Variants in NLGN2 observed in about 807,000 individuals in gnomAD.
The protein encoded by NLGN2 is neuroligin-2.
NLGN2 carries 11 observed loss-of-function variants against 48.6 expected under a neutral mutation model. That is an observed-to-expected ratio of 0.23 (90% CI 0.14 to 0.37). The LOEUF is 0.37. Among genes scored for constraint, NLGN2 ranks in the 10% least tolerant of loss-of-function variants. The pLI is 1.00. For synonymous variants in NLGN2, 548 were observed against 550.0 expected (o/e 1.00, Z 0.05); for missense variants, 801 against 1,225.2 (o/e 0.65, Z 5.17).
At chr17:7,409,859 C>G (rs1464463885) in intron 1 of NLGN2, among the ~76,000 whole-genome samples, 1 of 152,162 alleles carries the variant, frequency 6.6e-6, no homozygotes, top group Non-Finnish European at 1.5e-5. Flanking sequence ...CCAGTACTTT[C>G]ATATCACACA....
At position 7,408,641 on chromosome 17, in the gene NLGN2, C is replaced by T. The variant is rs1332778579; in HGVS notation, c.386C>T (p.Ala129Val). The T allele has an allele frequency of 5.6e-6, 9 of 1,611,778 alleles. No individual in the cohort carries two copies. In the African/African-American group the frequency reaches 9.3e-5, roughly 17 times the overall value. Residue 129 changes from alanine to valine, a missense_variant, in exon 1 of 7, where the codon GCG becomes GTG. Coordinates refer to ENST00000302926, the MANE Select transcript of NLGN2 (RefSeq NM_020795.4). The surrounding 1 kb of genome is among the most constrained non-coding windows in gnomAD (Gnocchi z 7.5). The stretch of plus-strand genomic sequence containing the variant: ...GTGTGGTTCACCGACAACTTGGAGG[C>T]GGCCGCCACCTACGTGCAGAACCAG... ...LPVWFTDNLEAAATYVQNQSE... is the reference protein window; with the variant it reads ...LPVWFTDNLEVAATYVQNQSE...
Position 7,417,078 on chromosome 17 carries a change from A to G in NLGN2, c.1787A>G (p.Asn596Ser). ...KPRVRDNYRA[N>S]KVAFWLELVP... ...CGCGTGCGTGACAACTACCGCGCCA[A>G]CAAGGTGGCCTTCTGGCTGGAGCTC... is the stretch of plus-strand genomic sequence containing the variant. The change falls in exon 7 of 7, where the codon AAC becomes AGC. Residue 596 changes from asparagine (N) to serine (S), a missense_variant. Physicochemically the swap from Asn to Ser is conservative, Grantham distance 46. Around this residue, in one of 5 missense-constraint regions of NLGN2, gnomAD observed 303 missense variants for 600.1 expected, o/e 0.50. Coordinates refer to ENST00000302926, the MANE Select transcript of NLGN2 (RefSeq NM_020795.4). 2 of 1,613,914 alleles carry G rather than the reference A, an allele frequency of 1.2e-6. No individual in the cohort carries two copies. The highest frequency in any genetic ancestry group is 1.7e-6 in the Non-Finnish European group (2 of 1,180,030).
rs567010279 is a variant in NLGN2 at position 7,414,676 on chromosome 17, C to G, written c.672C>G (p.Thr224=). The change falls in exon 4 of 7, where the codon ACC becomes ACG. Residue 224 remains threonine, a synonymous_variant. Transcript: ENST00000302926. ...CTCTACTCCCAGGTTTTCTCAGCAC[C>G]GGGGACCAGGCTGCAAAAGGCAACT... ...YRLGVLGFLS[T]GDQAAKGNYG... is the part of the protein sequence containing the mutation. 1.2e-6 allele frequency: 2 copies of G among 1,614,112 alleles called. No homozygotes were observed. The highest frequency in any genetic ancestry group is 2.2e-5 in the South Asian group (2 of 91,072).
chr17:7,408,763 G>T lies in NLGN2; in HGVS notation c.457+51G>T. The T allele has an allele frequency of 6.2e-7, 1 of 1,610,328 alleles. No individual in the cohort carries two copies. The highest frequency in any genetic ancestry group is 8.5e-7 in the Non-Finnish European group (1 of 1,178,720). On this transcript the variant is annotated intron_variant, in intron 1 of 6. Coordinates refer to ENST00000302926, the MANE Select transcript of NLGN2 (RefSeq NM_020795.4). This position sits in a 1 kb window ranked among gnomAD's most constrained non-coding sequence, Gnocchi z 7.5. ...CACCCCGTGGACACAGCCCACAAAC[G>T]CACATGCAGACCCTCAGGCACTGGC...
chr17:7,406,619 C>A (rs527822378), upstream of NLGN2, among the ~76,000 whole-genome samples: 2 of 132,602 alleles, frequency 1.5e-5, no homozygotes, highest in African/African-American at 2.9e-5. Flanking sequence ...GAAAACCCCG[C>A]GTCAGCAAAC....
chr17:7,412,052 C>CCTTTTTTTTTTT, intron 1 of NLGN2, 105 bp from the exon 2 acceptor site: 5 of 501,678 alleles, frequency 1.0e-5, no homozygotes, highest in South Asian at 2.0e-5. Context: ...CCACCCTCCC[C>CCTTTTTTTTTTT]TTTTCTGCTT....
chr17:7,417,481 C>T lies in NLGN2; in HGVS notation c.2190C>T (p.Pro730=), dbSNP rs777572639. 23 of 1,520,728 alleles carry T rather than the reference C, an allele frequency of 1.5e-5. No individual in the cohort carries two copies. The highest frequency in any genetic ancestry group is 6.2e-5 in the South Asian group (5 of 80,850). The allele number at this position is 1,520,728 out of a possible 1,614,324, so 94.2% of individuals were successfully genotyped here. A position where few individuals can be genotyped will look rare whatever the true frequency, so the allele number is the denominator to read the frequency against. The part of the protein sequence containing the change: ...SGVPGGGPLL[P]AAGRELPPEE... ...TGCCTGGTGGGGGCCCCCTGCTCCC[C>T]GCCGCGGGCCGTGAGCTGCCACCAG... The change falls in exon 7 of 7, where the codon CCC becomes CCT. Residue 730 remains proline, a synonymous_variant. Transcript: ENST00000302926.
intron 5 of NLGN2, 95 bp from the exon 6 acceptor site, chr17:7,415,416 C>A: frequency 8.6e-7 from 1 of 1,165,854 alleles, no homozygotes; most frequent in Non-Finnish European, 1.3e-6. Context: ...AAGGGTCTTG[C>A]AGGTAGAGGG....
upstream of NLGN2, among the ~76,000 whole-genome samples, chr17:7,407,703 A>T (rs1388013384): frequency 6.6e-6 from 1 of 151,678 alleles, no homozygotes; most frequent in Non-Finnish European, 1.5e-5. Flanking sequence ...GGGTCTGGAG[A>T]GCTGACCCGC....
rs1906748419 is a variant in NLGN2, at chr17:7,408,469, G to A, written c.214G>A (p.Val72Met). ...ILGPVVQFLG[V>M]PYATPPLGAR... The stretch of plus-strand genomic sequence containing the variant: ...GGGCCCCGTCGTGCAGTTCTTGGGC[G>A]TGCCCTACGCCACGCCGCCCCTGGG... The change falls in exon 1 of 7, where the codon GTG becomes ATG. Residue 72 changes from valine (V) to methionine (M), a missense_variant. Around this residue, in one of 5 missense-constraint regions of NLGN2, gnomAD observed 164 missense variants for 186.2 expected, o/e 0.88. Transcript: ENST00000302926. This position sits in a 1 kb window ranked among gnomAD's most constrained non-coding sequence, Gnocchi z 7.5. 1.3e-6 allele frequency: 2 copies of A among 1,548,106 alleles called. No homozygotes were observed. Among genetic ancestry groups the A allele is most frequent in the South Asian group, 1.2e-5 (1 of 84,234 alleles).
chr17:7,411,727 C>T lies in NLGN2; in HGVS notation c.458-430C>T, dbSNP rs1240719995. Reference sequence around the variant, plus strand: ...GCCTTCTGAGAGGTGGCCTGGGTGGCAAGCTGGCCTTGGTCTCCCAGGGGC... The same window carrying T: ...GCCTTCTGAGAGGTGGCCTGGGTGGTAAGCTGGCCTTGGTCTCCCAGGGGC... On this transcript the variant is annotated intron_variant, in intron 1 of 6. Coordinates refer to ENST00000302926, the MANE Select transcript of NLGN2 (RefSeq NM_020795.4). This position sits in a 1 kb window ranked among gnomAD's most constrained non-coding sequence, Gnocchi z 4.5. Among the ~76,000 whole-genome samples the T allele has an allele frequency of 6.6e-6, 1 of 152,200 alleles. No individual in the cohort carries two copies. The highest frequency in any genetic ancestry group is 1.5e-5 in the Non-Finnish European group (1 of 68,032).
intron 6 of NLGN2, 84 bp downstream of exon 6, chr17:7,416,191 C>T: frequency 8.9e-7 from 1 of 1,121,118 alleles, no homozygotes; most frequent in Non-Finnish European, 1.3e-6. Flanking sequence ...GGCACTCACT[C>T]TGGCCTGCCC....
chr17:7,408,824 G>A lies in NLGN2; in HGVS notation c.457+112G>A, dbSNP rs1906766501. The A allele has an allele frequency of 7.6e-6, 12 of 1,579,526 alleles. No homozygotes were observed. The highest frequency in any genetic ancestry group is 3.4e-5 in the South Asian group (3 of 88,656). On this transcript the variant is annotated intron_variant, in intron 1 of 6. Coordinates refer to ENST00000302926, the MANE Select transcript of NLGN2 (RefSeq NM_020795.4). This position sits in a 1 kb window ranked among gnomAD's most constrained non-coding sequence, Gnocchi z 7.5. ...GGCTCAGAGCTGGGCCTTTGTGGGGGCAGTGAGGGACGGAGTGTCCCTGCA... is the reference window on the plus strand; with the variant it reads ...GGCTCAGAGCTGGGCCTTTGTGGGGACAGTGAGGGACGGAGTGTCCCTGCA...
chr17:7,409,212 T>C (rs2150811960), intron 1 of NLGN2, among the ~76,000 whole-genome samples: 1 of 152,182 alleles, frequency 6.6e-6, no homozygotes, highest in Non-Finnish European at 1.5e-5. Flanking sequence ...CTGCCTTCCA[T>C]CTATCACATC....
chr17:7,405,888 A>C (rs1323296751), upstream of NLGN2, among the ~76,000 whole-genome samples: 1 of 152,040 alleles, frequency 6.6e-6, no homozygotes, highest in African/African-American at 2.4e-5. This position sits in a 1 kb window ranked among gnomAD's most constrained non-coding sequence, Gnocchi z 6.8. Context: ...TCACCACTGC[A>C]GGAAGGGGGG....
At position 7,408,190 on chromosome 17, in the gene NLGN2, C is replaced by A. The variant is rs1322896325; in HGVS notation, c.-66C>A. 3 of 889,198 alleles carry A rather than the reference C, an allele frequency of 3.4e-6. No individual in the cohort carries two copies. The highest frequency in any genetic ancestry group is 3.1e-6 in the Non-Finnish European group (2 of 652,938). 55.1% of individuals were successfully genotyped at this position (889,198 alleles called of 1,614,324 possible). ...GGGCGAGGGGGGCCTCCCTCCCTCT[C>A]CCCCCCTTCTCTCTCTCTCCGAGGG... On this transcript the variant is annotated 5_prime_UTR_variant, in exon 1 of 7. Transcript: ENST00000302926. The surrounding 1 kb of genome is among the most constrained non-coding windows in gnomAD (Gnocchi z 7.5).
In NLGN2 at chr17:7,417,888, C is replaced by T. The variant is rs1216991282; in HGVS notation, c.*89C>T. The T allele has an allele frequency of 8.5e-6, 11 of 1,288,242 alleles. No homozygotes were observed. The highest frequency in any genetic ancestry group is 3.1e-5 in the African/African-American group (2 of 65,182). The allele number at this position is 1,288,242 out of a possible 1,614,324, so 79.8% of individuals were successfully genotyped here. A position where few individuals can be genotyped will look rare whatever the true frequency, so the allele number is the denominator to read the frequency against. ...GAGGACTTGGCAACTGGCTTTTCTC[C>T]TGTGGAGTCGTCACACGCCATCCAG... On this transcript the variant is annotated 3_prime_UTR_variant, in exon 7 of 7. Coordinates refer to ENST00000302926, the MANE Select transcript of NLGN2 (RefSeq NM_020795.4).
In NLGN2 at chr17:7,413,992, A is replaced by G. The variant is rs1436869031; in HGVS notation, c.509-352A>G. Among the ~76,000 whole-genome samples, 1 of 152,122 alleles carries G rather than the reference A, an allele frequency of 6.6e-6. No individual in the cohort carries two copies. The highest frequency in any genetic ancestry group is 1.9e-4 in the East Asian group (1 of 5,188). ...CTAGCCTCGGGAGCTTGCTCTTCCC[A>G]GGGACAGGAAGGAGATGTGCTGTGT... is the stretch of plus-strand genomic sequence containing the variant. On this transcript the variant is annotated intron_variant, in intron 2 of 6. Transcript: ENST00000302926. The surrounding 1 kb of genome is among the most constrained non-coding windows in gnomAD (Gnocchi z 4.9).
intron 6 of NLGN2, 101 bp downstream of exon 6, chr17:7,416,208 T>TGG: frequency 1.0e-6 from 1 of 976,938 alleles, no homozygotes; most frequent in Non-Finnish European, 1.6e-6. Flanking sequence ...GCCCTCTTGC[T>TGG]CGAGTGAAAC....
Sources: gnomAD v4.1 joint callset for allele counts (sites outside exome capture counted in the v4.1 genomes callset) on GRCh38, gnomAD v4.1.1 for gene constraint, gnomAD v4.1.1 regional missense constraint, Gnocchi (gnomAD v3.1) non-coding constraint, MANE v1.5 for transcripts, NCBI Gene and HGNC (gene_info 2026-07-23, HGNC 2026-07-21) for gene names.